Variants in ARB2A observed in about 807,000 individuals in gnomAD.
ARB2A encodes the protein ARB2 cotranscriptional regulator A.
the ARB2A span, among the ~76,000 whole-genome samples, chr5:93,813,459 C>T: frequency 6.6e-6 from 1 of 152,058 alleles, no homozygotes; most frequent in Non-Finnish European, 1.5e-5. Context: ...GGATAGAGAG[C>T]TTATAGATTT....
chr5:93,986,231 C>T, the ARB2A span, among the ~76,000 whole-genome samples: 16 of 147,710 alleles, frequency 1.1e-4, no homozygotes, highest in East Asian at 4.1e-4. Context: ...CCCGGCTGCC[C>T]GGTCTGAGAA....
At chr5:93,984,264 TATAAC>T in the ARB2A span, among the ~76,000 whole-genome samples, 4 of 152,026 alleles carry the variant, frequency 2.6e-5, no homozygotes, top group Non-Finnish European at 4.4e-5. Context: ...AGTGTGAAAA[TATAAC>T]AAAACAAAAA....
the ARB2A span, among the ~76,000 whole-genome samples, chr5:93,965,797 T>C: frequency 2.0e-5 from 3 of 152,102 alleles, no homozygotes; most frequent in South Asian, 6.2e-4. Flanking sequence ...GCTTTGGTGC[T>C]GTATTCGTAA....
the ARB2A span, among the ~76,000 whole-genome samples, chr5:93,847,442 A>T: frequency 6.6e-6 from 1 of 152,192 alleles, no homozygotes; most frequent in Non-Finnish European, 1.5e-5. Context: ...CATTCTATTT[A>T]AAAAATTTCT....
the ARB2A span, among the ~76,000 whole-genome samples, chr5:93,974,222 A>G: frequency 6.6e-6 from 1 of 152,204 alleles, no homozygotes; most frequent in African/African-American, 2.4e-5. Context: ...TCTTTCTCAA[A>G]GTAAAGATCT....
At chr5:93,634,430 A>G in the ARB2A span, among the ~76,000 whole-genome samples, 1 of 151,884 alleles carries the variant, frequency 6.6e-6, no homozygotes. Flanking sequence ...CAAAAAACAA[A>G]AACCACAGGA....
the ARB2A span, among the ~76,000 whole-genome samples, chr5:93,674,200 G>C: frequency 4.6e-5 from 7 of 152,138 alleles, no homozygotes; most frequent in South Asian, 1.4e-3. Context: ...TCACCTGATC[G>C]TAGCCCCATA....
chr5:94,051,817 TTTTA>T, the ARB2A span, among the ~76,000 whole-genome samples: 2 of 152,106 alleles, frequency 1.3e-5, no homozygotes, highest in Non-Finnish European at 2.9e-5. Context: ...CTACATTTAT[TTTTA>T]TTTATTTATT....
the ARB2A span, among the ~76,000 whole-genome samples, chr5:93,768,777 T>C: frequency 1.3e-5 from 2 of 151,860 alleles, no homozygotes; most frequent in Non-Finnish European, 2.9e-5. Flanking sequence ...GGAGATGAGG[T>C]CTTGCTATGT....
the ARB2A span, among the ~76,000 whole-genome samples, chr5:93,642,084 G>A: frequency 6.6e-6 from 1 of 151,988 alleles, no homozygotes; most frequent in Admixed American, 6.6e-5. Context: ...AGGCCCAAGT[G>A]ATCCTTGCAT....
chr5:93,961,945 A>T, the ARB2A span, among the ~76,000 whole-genome samples: 1 of 152,222 alleles, frequency 6.6e-6, no homozygotes, highest in Admixed American at 6.5e-5. Context: ...CAGTTTACAC[A>T]GAACTCTGAC....
chr5:93,850,637 T>C, the ARB2A span, among the ~76,000 whole-genome samples: 1 of 152,174 alleles, frequency 6.6e-6, no homozygotes, highest in South Asian at 2.1e-4. Context: ...TAATGGTGTA[T>C]TTCTGGAACT....
the ARB2A span, among the ~76,000 whole-genome samples, chr5:93,705,518 C>A: frequency 1.3e-5 from 2 of 151,554 alleles, no homozygotes; most frequent in African/African-American, 2.4e-5. Flanking sequence ...TAAGGCGCAT[C>A]AGATTAAGGT....
chr5:94,108,477 TA>T, the ARB2A span, among the ~76,000 whole-genome samples: 1 of 152,132 alleles, frequency 6.6e-6, no homozygotes, highest in South Asian at 2.1e-4. Flanking sequence ...TAAAATGCAA[TA>T]AAAGTCATGG....
the ARB2A span, among the ~76,000 whole-genome samples, chr5:93,880,737 T>C: frequency 6.6e-6 from 1 of 151,754 alleles, no homozygotes; most frequent in East Asian, 1.9e-4. Flanking sequence ...AACAAAATTG[T>C]TTGTGCCCCC....
At chr5:93,758,496 C>T in the ARB2A span, among the ~76,000 whole-genome samples, 1 of 152,026 alleles carries the variant, frequency 6.6e-6, no homozygotes, top group Non-Finnish European at 1.5e-5. Flanking sequence ...ATATGATAGG[C>T]CATAAAACGA....
At chr5:94,090,285 C>T in the ARB2A span, among the ~76,000 whole-genome samples, 6 of 152,082 alleles carry the variant, frequency 3.9e-5, no homozygotes, top group Non-Finnish European at 8.8e-5. Flanking sequence ...CTCTTTGTAG[C>T]AATTGTGAAT....
the ARB2A span, among the ~76,000 whole-genome samples, chr5:93,960,463 A>G: frequency 1.3e-5 from 2 of 152,078 alleles, no homozygotes; most frequent in Admixed American, 6.6e-5. Context: ...GTGTTTATTC[A>G]CGGCCTGCTC....
the ARB2A span, chr5:93,621,074 G>T: frequency 1.9e-6 from 3 of 1,612,094 alleles, no homozygotes; most frequent in Non-Finnish European, 8.5e-7. Flanking sequence ...CTTCGGTAAA[G>T]AATTTGAAAA....
Sources: gnomAD v4.1 joint callset for allele counts (sites outside exome capture counted in the v4.1 genomes callset) on GRCh38, gnomAD v4.1.1 for gene constraint, MANE v1.5 for transcripts, NCBI Gene and HGNC (gene_info 2026-07-23, HGNC 2026-07-21) for gene names.